PRDM16: variants seen among roughly 807,000 people sequenced by gnomAD.
The protein encoded by PRDM16 is PR/SET domain 16.
In PRDM16, 23 loss-of-function variants were observed where a neutral mutation model predicts 110.6. The observed-to-expected ratio is 0.21, with a 90% CI of 0.15 to 0.29. PRDM16 has a LOEUF of 0.29. Among genes scored for constraint, PRDM16 ranks in the 10% least tolerant of loss-of-function variants. The probability of loss-of-function intolerance (pLI) is 1.00; values close to 1 mark genes in which losing one functional copy is unlikely to be tolerated. For missense variants in PRDM16, 1,615 were observed against 1,794.3 expected, an observed-to-expected ratio of 0.90 and a Z score of 1.81; for synonymous variants, 799 against 781.8, an observed-to-expected ratio of 1.02 and a Z score of -0.37.
intron 1 of PRDM16, among the ~76,000 whole-genome samples, chr1:3,100,515 C>T (rs901796769): frequency 1.3e-5 from 2 of 152,130 alleles, no homozygotes; most frequent in African/African-American, 4.8e-5. Flanking sequence ...ACGCCCTGCC[C>T]TCAGTGGACG....
intron 3 of PRDM16, among the ~76,000 whole-genome samples, chr1:3,333,892 C>T (rs1642094062): frequency 6.6e-6 from 1 of 152,182 alleles, no homozygotes; most frequent in Non-Finnish European, 1.5e-5. Flanking sequence ...GCTCCCCTCC[C>T]CTTCTGCCAT....
rs1446378743 is a variant in PRDM16 at position 3,435,673 on chromosome 1, T to C, written c.*1862T>C. 2.2e-5 allele frequency: 5 copies of C among 232,318 alleles called. No homozygotes were observed. Among genetic ancestry groups the C allele is most frequent in the Non-Finnish European group, 4.2e-5 (5 of 117,730 alleles). The allele number at this position is 232,318 out of a possible 1,614,324, so 14.4% of individuals were successfully genotyped here. On this transcript the variant is annotated 3_prime_UTR_variant, in exon 17 of 17. Transcript: ENST00000270722. ...TGGGTTTGTGTCACGTGTGGACATC[T>C]CCTCAGGCTTTGTGTCACGCGTGGA...
intron 3 of PRDM16, among the ~76,000 whole-genome samples, chr1:3,318,183 A>T (rs1440737840): frequency 1.3e-5 from 2 of 152,190 alleles, no homozygotes; most frequent in Non-Finnish European, 2.9e-5. Flanking sequence ...TGTGTGGTGA[A>T]ATTCAATGAC....
chr1:3,423,499 A>G (rs1377178162), intron 12 of PRDM16, among the ~76,000 whole-genome samples: 1 of 152,140 alleles, frequency 6.6e-6, no homozygotes, highest in Non-Finnish European at 1.5e-5. Flanking sequence ...CGTGCCGAGA[A>G]GGCCGAGCCA....
At chr1:3,313,102 C>T (rs952379966) in intron 3 of PRDM16, among the ~76,000 whole-genome samples, 1 of 152,260 alleles carries the variant, frequency 6.6e-6, no homozygotes, top group East Asian at 1.9e-4. Context: ...CACCCGCAGA[C>T]ACTGGGCAGC....
rs962812366 is a variant in PRDM16, at chr1:3,132,673, G to A, written c.38-53452G>A. ...AGCCACCCGGTTCATACTGTTGCCC[G>A]AGAAGTCAACACCTCTGCCTCCCAA... On this transcript the variant is annotated intron_variant, in intron 1 of 16. Coordinates refer to ENST00000270722, the MANE Select transcript of PRDM16 (RefSeq NM_022114.4). Among the ~76,000 whole-genome samples the A allele has an allele frequency of 5.3e-5, 8 of 152,208 alleles. No individual in the cohort carries two copies. The East Asian group carries it at 1.2e-3, about 22-fold the overall frequency.
rs913576184 is a variant in PRDM16 at position 3,081,268 on chromosome 1, C to A, written c.37+11972C>A. ...GGCCCCTCGCGGCTGTACCCCGAGT[C>A]CCCCGTGCTGGCACCTGATAAGGGG... On this transcript the variant is annotated intron_variant, in intron 1 of 16. Coordinates refer to ENST00000270722, the MANE Select transcript of PRDM16 (RefSeq NM_022114.4). The surrounding 1 kb of genome is among the most constrained non-coding windows in gnomAD (Gnocchi z 4.6). Among the ~76,000 whole-genome samples the A allele has an allele frequency of 6.6e-6, 1 of 152,210 alleles. No homozygotes were observed. The highest frequency in any genetic ancestry group is 2.4e-5 in the African/African-American group (1 of 41,454).
intron 2 of PRDM16, among the ~76,000 whole-genome samples, chr1:3,203,975 C>A (rs1306630844): frequency 6.6e-6 from 1 of 152,174 alleles, no homozygotes. Flanking sequence ...AATGCTGGCA[C>A]CTGAGACCTC....
chr1:3,202,179 A>C (rs1195185498), intron 2 of PRDM16, among the ~76,000 whole-genome samples: 1 of 152,138 alleles, frequency 6.6e-6, no homozygotes, highest in African/African-American at 2.4e-5. Context: ...CTCATGGTAG[A>C]CTTTCATCAT....
intron 3 of PRDM16, among the ~76,000 whole-genome samples, chr1:3,333,926 C>G (rs1642094575): frequency 6.6e-6 from 1 of 152,186 alleles, no homozygotes; most frequent in Non-Finnish European, 1.5e-5. Context: ...CTGAGGCCTC[C>G]CCTGAGCTGA....
intron 2 of PRDM16, among the ~76,000 whole-genome samples, chr1:3,204,887 G>A (rs1275435078): frequency 6.6e-6 from 1 of 152,198 alleles, no homozygotes; most frequent in African/African-American, 2.4e-5. Context: ...TGGAGAGTGG[G>A]ACCCCCGTTG....
chr1:3,254,136 T>C, intron 3 of PRDM16, among the ~76,000 whole-genome samples: 1 of 152,118 alleles, frequency 6.6e-6, no homozygotes, highest in East Asian at 1.9e-4. Flanking sequence ...GTTGCGAAAA[T>C]TTTCTCCCAT....
At chr1:3,086,391 C>T (rs1402773730) in intron 1 of PRDM16, among the ~76,000 whole-genome samples, 1 of 152,198 alleles carries the variant, frequency 6.6e-6, no homozygotes, top group Non-Finnish European at 1.5e-5. Flanking sequence ...CTCTGAGTTT[C>T]TTGGTCAGGA....
intron 3 of PRDM16, among the ~76,000 whole-genome samples, chr1:3,288,427 G>A (rs1220997219): frequency 6.6e-6 from 1 of 152,150 alleles, no homozygotes; most frequent in Non-Finnish European, 1.5e-5. Flanking sequence ...ACGGCTGGAA[G>A]GGAACGCCCT....
chr1:3,154,186 G>A (rs1643823380), intron 1 of PRDM16, among the ~76,000 whole-genome samples: 1 of 152,188 alleles, frequency 6.6e-6, no homozygotes, highest in African/African-American at 2.4e-5. Context: ...TCGTGCCTGT[G>A]ACAAGTCGTT....
At chr1:3,422,118 T>C (rs1247507606) in intron 12 of PRDM16, among the ~76,000 whole-genome samples, 2 of 123,530 alleles carry the variant, frequency 1.6e-5, no homozygotes, top group African/African-American at 6.6e-5. Context: ...GACAGACAGA[T>C]GGACAGACAG....
At chr1:3,217,443 T>C (rs928458133) in intron 2 of PRDM16, among the ~76,000 whole-genome samples, 7 of 152,242 alleles carry the variant, frequency 4.6e-5, no homozygotes, top group African/African-American at 1.7e-4. Flanking sequence ...GTTGGATTTA[T>C]GGCTTCTCTG....
intron 1 of PRDM16, among the ~76,000 whole-genome samples, chr1:3,142,030 A>G (rs567021741): frequency 6.6e-6 from 1 of 152,340 alleles, no homozygotes; most frequent in South Asian, 2.1e-4. Flanking sequence ...ATGGGGTCGC[A>G]CTCTGGCCCG....
At position 3,353,607 on chromosome 1, in the gene PRDM16, C is replaced by T. The variant is rs545178366; in HGVS notation, c.439-31545C>T. 3.1e-4 allele frequency among the ~76,000 whole-genome samples: 47 copies of T among 152,336 alleles called. 1 individual carries two copies. Among genetic ancestry groups the T allele is most frequent in the Admixed American group, 2.5e-3 (39 of 15,312 alleles). On this transcript the variant is annotated intron_variant, in intron 3 of 16. Coordinates refer to ENST00000270722, the MANE Select transcript of PRDM16 (RefSeq NM_022114.4). The surrounding 1 kb of genome is among the most constrained non-coding windows in gnomAD (Gnocchi z 5.4). ...AGGCCACAGGGGATGAGTCCAGCCCCGCAGTGTGACCGGCAGTTGGCAAAC... is the reference window on the plus strand; with the variant it reads ...AGGCCACAGGGGATGAGTCCAGCCCTGCAGTGTGACCGGCAGTTGGCAAAC...
Sources: gnomAD v4.1 joint callset for allele counts (sites outside exome capture counted in the v4.1 genomes callset) on GRCh38, gnomAD v4.1.1 for gene constraint, Gnocchi (gnomAD v3.1) non-coding constraint, MANE v1.5 for transcripts, NCBI Gene and HGNC (gene_info 2026-07-23, HGNC 2026-07-21) for gene names.